Variants in TMEM114 observed in about 807,000 individuals in gnomAD.
The protein encoded by TMEM114 is claudin-26.
A neutral mutation model predicts 6.2 loss-of-function variants in TMEM114; 6 were observed. The ratio of observed to expected loss-of-function variants is 0.97; its 90% CI spans 0.53 to 1.91. The LOEUF (loss-of-function observed/expected upper bound fraction) is 1.91. Among genes scored for constraint, TMEM114 ranks in the 40% most tolerant of loss-of-function variants. TMEM114 has a pLI of 0.01. For synonymous variants in TMEM114, 104 were observed against 73.0 expected (o/e 1.42, Z -2.16); for missense variants, 218 against 158.3 (o/e 1.38, Z -2.02).
At chr16:8,559,560 G>A (rs943014866) in intron 2 of TMEM114, among the ~76,000 whole-genome samples, 2 of 152,246 alleles carry the variant, frequency 1.3e-5, no homozygotes, top group African/African-American at 4.8e-5. Context: ...GAAGCGGATA[G>A]GGGAGTCGGC....
intron 2 of TMEM114, among the ~76,000 whole-genome samples, chr16:8,575,370 C>G (rs1041446268): frequency 2.6e-5 from 4 of 152,234 alleles, no homozygotes; most frequent in Non-Finnish European, 5.9e-5. Flanking sequence ...CAGACAGTTC[C>G]TCTCTTGCAC....
intron 2 of TMEM114, among the ~76,000 whole-genome samples, chr16:8,548,084 C>T (rs1900728326): frequency 1.3e-5 from 2 of 152,162 alleles, no homozygotes. Flanking sequence ...CCTGGAACGG[C>T]TGCAAGCAAG....
At chr16:8,564,203 GGGT>G in intron 2 of TMEM114, among the ~76,000 whole-genome samples, 3 of 147,902 alleles carry the variant, frequency 2.0e-5, no homozygotes, top group East Asian at 2.0e-4. Context: ...ATGAGTGAGT[GGGT>G]GAATGAGTGA....
intron 2 of TMEM114, among the ~76,000 whole-genome samples, chr16:8,555,554 C>G (rs1306762739): frequency 2.0e-5 from 3 of 152,150 alleles, no homozygotes; most frequent in African/African-American, 7.2e-5. Context: ...TGTCATGGCG[C>G]TGGTAGATGC....
intron 2 of TMEM114, among the ~76,000 whole-genome samples, chr16:8,588,341 A>T (rs966482543): frequency 6.6e-6 from 1 of 151,890 alleles, no homozygotes; most frequent in Admixed American, 6.6e-5. Flanking sequence ...CTCAGTCTTC[A>T]TTTCCTCATC....
chr16:8,567,607 G>C (rs1434093934), downstream of TMEM114, among the ~76,000 whole-genome samples: 1 of 152,140 alleles, frequency 6.6e-6, no homozygotes, highest in Non-Finnish European at 1.5e-5. Flanking sequence ...GGAGCTGCCG[G>C]TAATACCACT....
chr16:8,590,091 T>G lies in TMEM114; in HGVS notation c.-253A>C. The G allele has an allele frequency of 1.7e-5, 6 of 358,410 alleles. No homozygotes were observed. Among genetic ancestry groups the G allele is most frequent in the Non-Finnish European group, 3.0e-5 (6 of 201,086 alleles). The allele number at this position is 358,410 out of a possible 1,614,324, so 22.2% of individuals were successfully genotyped here. ...GTTCCCACCCCTCCAATGCCAGCTC[T>G]ACCTGCAGACCCCCTCACTCTCACT... On this transcript the variant is annotated 5_prime_UTR_variant, in exon 1 of 4. Coordinates refer to ENST00000620492, the MANE Select transcript of TMEM114 (RefSeq NM_001146336.2).
intron 2 of TMEM114, among the ~76,000 whole-genome samples, chr16:8,576,757 AG>A (rs1901951334): frequency 1.4e-5 from 2 of 141,460 alleles, no homozygotes; most frequent in Non-Finnish European, 3.1e-5. Context: ...GAAGGAAGGA[AG>A]GAAGGAAGGA....
chr16:8,545,872 T>C (rs1434148025), intron 2 of TMEM114, among the ~76,000 whole-genome samples: 1 of 152,100 alleles, frequency 6.6e-6, no homozygotes, highest in Non-Finnish European at 1.5e-5. Context: ...CCCAGCACTT[T>C]GGGAGGTTGA....
At chr16:8,530,277 A>C in the TMEM114 span, among the ~76,000 whole-genome samples, 1 of 151,874 alleles carries the variant, frequency 6.6e-6, no homozygotes, top group Non-Finnish European at 1.5e-5. Flanking sequence ...TGGCATGATC[A>C]AGTCAATTGA....
chr16:8,561,840 G>C (rs62640205), intron 2 of TMEM114, among the ~76,000 whole-genome samples: 1 of 142,498 alleles, frequency 7.0e-6, no homozygotes, highest in Non-Finnish European at 1.6e-5. Flanking sequence ...GAGTGAATGA[G>C]TGAGTGAATG....
chr16:8,564,221 G>C (rs62646481), intron 2 of TMEM114, among the ~76,000 whole-genome samples: 1 of 15,470 alleles, frequency 6.5e-5, no homozygotes, highest in African/African-American at 2.3e-4. Context: ...GAGTGAGTTA[G>C]TGAATGAGTG....
intron 2 of TMEM114, among the ~76,000 whole-genome samples, chr16:8,564,126 T>C (rs1217128083): frequency 6.7e-6 from 1 of 149,970 alleles, no homozygotes; most frequent in Admixed American, 6.6e-5. Flanking sequence ...AGTGAATGAG[T>C]GAGTTAGTGA....
the TMEM114 span, among the ~76,000 whole-genome samples, chr16:8,527,814 T>C: frequency 0.74 from 112,469 of 152,092 alleles, 41,804 homozygotes; most frequent in African/African-American, 0.76. Flanking sequence ...ATACAGGATG[T>C]GGAGTTTGGG....
chr16:8,537,060 G>C (rs1450750562), downstream of TMEM114, among the ~76,000 whole-genome samples: 1 of 152,034 alleles, frequency 6.6e-6, no homozygotes, highest in Non-Finnish European at 1.5e-5. Context: ...TTAAGAATTA[G>C]CTGGACTTGG....
At position 8,569,631 on chromosome 16, in the gene TMEM114, G is replaced by C. The variant is rs1301860701; in HGVS notation, c.*142C>G. The C allele has an allele frequency of 2.1e-6, 3 of 1,437,418 alleles. No homozygotes were observed. Among genetic ancestry groups the C allele is most frequent in the Non-Finnish European group, 2.7e-6 (3 of 1,100,260 alleles). The allele number at this position is 1,437,418 out of a possible 1,614,324, so 89.0% of individuals were successfully genotyped here. ...AACAGCCAGGCCCCAAGCTTAGTCC[G>C]CGGGGATTTGTGGGGGAAGGAGGGG... is the stretch of plus-strand genomic sequence containing the variant. On this transcript the variant is annotated 3_prime_UTR_variant, in exon 4 of 4. Transcript: ENST00000620492.
At chr16:8,586,322 C>G (rs567336696) in intron 2 of TMEM114, among the ~76,000 whole-genome samples, 1 of 152,006 alleles carries the variant, frequency 6.6e-6, no homozygotes, top group Non-Finnish European at 1.5e-5. Flanking sequence ...CATTTTTATT[C>G]CCTCTCATGG....
intron 2 of TMEM114, among the ~76,000 whole-genome samples, chr16:8,577,933 A>G (rs142027441): frequency 1.8e-4 from 28 of 152,254 alleles, no homozygotes; most frequent in African/African-American, 6.7e-4. Context: ...TTCAGAAACA[A>G]ATGCCTTTGG....
chr16:8,530,224 A>G, the TMEM114 span, among the ~76,000 whole-genome samples: 1 of 152,096 alleles, frequency 6.6e-6, no homozygotes, highest in East Asian at 1.9e-4. Context: ...CCTCCATGAA[A>G]ACTCACTCTC....
Sources: allele counts gnomAD v4.1 joint callset (sites outside exome capture counted in the v4.1 genomes callset), GRCh38; gene constraint gnomAD v4.1.1; transcripts MANE v1.5; gene names NCBI Gene and HGNC (gene_info 2026-07-23, HGNC 2026-07-21).